Variants in ATP6V0D2 observed in about 807,000 individuals in gnomAD.
ATP6V0D2 encodes V-type proton ATPase subunit d 2.
Under a neutral mutation model 40.0 loss-of-function variants are expected in ATP6V0D2, and 40 were observed. The ratio of observed to expected loss-of-function variants is 1.00; its 90% CI spans 0.78 to 1.30. The LOEUF is 1.30. Among genes scored for constraint, ATP6V0D2 ranks in the 50% most tolerant of loss-of-function variants. ATP6V0D2 has a pLI of 0.00. For synonymous variants in ATP6V0D2, 179 were observed against 156.3 expected (o/e 1.15, Z -1.08); for missense variants, 470 against 423.1 (o/e 1.11, Z -0.97).
At chr8:86,113,994 G>A in intron 2 of ATP6V0D2, 114 bp downstream of exon 2, 1 of 1,016,276 alleles carries the variant, frequency 9.8e-7, no homozygotes, top group Non-Finnish European at 1.4e-6. Flanking sequence ...TCCATTGTTT[G>A]TAAGTTTAAA....
intron 5 of ATP6V0D2, among the ~76,000 whole-genome samples, chr8:86,145,236 AGAGAGAGAGAGAGAGAGAGAG>A (rs1186824399): frequency 1.3e-4 from 5 of 38,938 alleles, no homozygotes; most frequent in Non-Finnish European, 1.9e-4. Context: ...AGAAAGAAAG[AGAGAGAGAGAGAGAGAGAGAG>A]AAAGAAAGAA....
intron 1 of ATP6V0D2, among the ~76,000 whole-genome samples, chr8:86,104,458 TAA>T (rs1818442357): frequency 6.6e-6 from 1 of 152,126 alleles, no homozygotes; most frequent in Non-Finnish European, 1.5e-5. Flanking sequence ...CAAGATACAT[TAA>T]GTCAGAAAAG....
intron 2 of ATP6V0D2, among the ~76,000 whole-genome samples, chr8:86,136,312 C>A (rs1415917906): frequency 6.6e-6 from 1 of 152,170 alleles, no homozygotes; most frequent in Non-Finnish European, 1.5e-5. Flanking sequence ...CAGGCTGCAT[C>A]CTGCTCACAC....
chr8:86,151,524 T>C lies in ATP6V0D2; in HGVS notation c.875T>C (p.Val292Ala). The change falls in exon 7 of 8, where the codon GTG (valine) becomes GCG (alanine). Residue 292 changes from valine (V) to alanine (A), a missense_variant. Val to Ala is a moderately conservative substitution (Grantham distance 64). Transcript: ENST00000285393. ...GGSGGKTLEDVFYEREVQMNV... is the reference protein window; with the variant it reads ...GGSGGKTLEDAFYEREVQMNV... Reference sequence around the variant, plus strand: ...AGTGGGGGAAAGACATTGGAGGACGTGTTTTACGAGCGTGAGGTATGATAT... The same window carrying C: ...AGTGGGGGAAAGACATTGGAGGACGCGTTTTACGAGCGTGAGGTATGATAT... 6.2e-7 allele frequency: 1 copy of C among 1,608,758 alleles called. No individual in the cohort carries two copies. Among genetic ancestry groups the C allele is most frequent in the East Asian group, 2.2e-5 (1 of 44,498 alleles).
chr8:86,112,685 G>T (rs1294468190), intron 1 of ATP6V0D2, among the ~76,000 whole-genome samples: 1 of 152,038 alleles, frequency 6.6e-6, no homozygotes, highest in African/African-American at 2.4e-5. Flanking sequence ...CTAGAGTGGG[G>T]TTGGGTCAGC....
intron 2 of ATP6V0D2, among the ~76,000 whole-genome samples, chr8:86,121,153 A>G (rs984672230): frequency 1.3e-5 from 2 of 152,248 alleles, no homozygotes; most frequent in Non-Finnish European, 2.9e-5. Flanking sequence ...AGATAGCACC[A>G]AAGCCTAGGT....
At chr8:86,141,742 C>G (rs1818977351) in intron 4 of ATP6V0D2, among the ~76,000 whole-genome samples, 1 of 152,224 alleles carries the variant, frequency 6.6e-6, no homozygotes, top group African/African-American at 2.4e-5. Context: ...AAGGAAATAA[C>G]ATGCCCTATT....
At position 86,151,509 on chromosome 8, in the gene ATP6V0D2, AGAC is replaced by A; in HGVS notation, c.861_863del (p.Thr288del). 6.2e-7 allele frequency: 1 copy of A among 1,608,296 alleles called. No homozygotes were observed. The highest frequency in any genetic ancestry group is 8.5e-7 in the Non-Finnish European group (1 of 1,177,584). On this transcript the variant is annotated inframe_deletion, in exon 7 of 8. Transcript: ENST00000285393. Reference sequence around the variant, plus strand: ...GAAGCTGTAGGTGGCAGTGGGGGAAAGACATTGGAGGACGTGTTTTACGAGCGT... The same window carrying A: ...GAAGCTGTAGGTGGCAGTGGGGGAAAATTGGAGGACGTGTTTTACGAGCGT...
At chr8:86,119,949 A>G (rs1818647355) in intron 2 of ATP6V0D2, among the ~76,000 whole-genome samples, 1 of 152,246 alleles carries the variant, frequency 6.6e-6, no homozygotes, top group African/African-American at 2.4e-5. Context: ...ACACGGAGCT[A>G]GAAAAATATA....
At chr8:86,116,936 C>A (rs1037127540) in intron 2 of ATP6V0D2, among the ~76,000 whole-genome samples, 4 of 152,136 alleles carry the variant, frequency 2.6e-5, no homozygotes, top group Non-Finnish European at 4.4e-5. Context: ...AAAATAGTAT[C>A]TCTTTGCTTC....
chr8:86,145,759 G>A (rs1819061391), intron 5 of ATP6V0D2, among the ~76,000 whole-genome samples: 1 of 152,112 alleles, frequency 6.6e-6, no homozygotes, highest in South Asian at 2.1e-4. Flanking sequence ...AATTCTTGTG[G>A]TTTGGAAATG....
intron 5 of ATP6V0D2, among the ~76,000 whole-genome samples, chr8:86,145,241 G>A (rs200393059): frequency 0.014 from 557 of 39,600 alleles, 1 homozygote; most frequent in Admixed American, 0.021. Context: ...GAAAGAGAGA[G>A]AGAGAGAGAG....
At chr8:86,138,338 C>T (rs1017708543) in intron 2 of ATP6V0D2, among the ~76,000 whole-genome samples, 2 of 152,208 alleles carry the variant, frequency 1.3e-5, no homozygotes, top group Admixed American at 6.5e-5. Context: ...CCACACCACC[C>T]TATAATTTAT....
At chr8:86,133,924 T>C (rs1038366943) in intron 2 of ATP6V0D2, among the ~76,000 whole-genome samples, 8 of 151,666 alleles carry the variant, frequency 5.3e-5, no homozygotes, top group Admixed American at 1.3e-4. Context: ...TGGCTGAAAA[T>C]TCCCCCCATT....
intron 2 of ATP6V0D2, among the ~76,000 whole-genome samples, chr8:86,127,326 A>G (rs530755692): frequency 6.6e-6 from 1 of 152,356 alleles, no homozygotes; most frequent in East Asian, 1.9e-4. Context: ...GAAAATTCAT[A>G]CATTGAAAAA....
At chr8:86,112,493 G>T (rs1818538499) in intron 1 of ATP6V0D2, among the ~76,000 whole-genome samples, 1 of 152,066 alleles carries the variant, frequency 6.6e-6, no homozygotes. Context: ...CAAAGGCATA[G>T]AAATCATTTT....
At chr8:86,102,642 C>T (rs1283898719) in intron 1 of ATP6V0D2, among the ~76,000 whole-genome samples, 1 of 152,182 alleles carries the variant, frequency 6.6e-6, no homozygotes, top group Non-Finnish European at 1.5e-5. Flanking sequence ...TCCAGCAAAG[C>T]TTTGAAAAGT....
At chr8:86,145,215 GAAA>G (rs1351299242) in intron 5 of ATP6V0D2, among the ~76,000 whole-genome samples, 42 of 23,576 alleles carry the variant, frequency 1.8e-3, no homozygotes, top group African/African-American at 6.1e-3. Context: ...AAGAAAGAAA[GAAA>G]GAAAGAAAGA....
At chr8:86,144,484 A>AC (rs1212231712) in intron 5 of ATP6V0D2, among the ~76,000 whole-genome samples, 1 of 151,616 alleles carries the variant, frequency 6.6e-6, no homozygotes, top group Non-Finnish European at 1.5e-5. Context: ...AAAAGAAAAA[A>AC]ATTAACTTCA....
Sources: gnomAD v4.1 joint callset for allele counts (sites outside exome capture counted in the v4.1 genomes callset) on GRCh38, gnomAD v4.1.1 for gene constraint, MANE v1.5 for transcripts, NCBI Gene and HGNC (gene_info 2026-07-23, HGNC 2026-07-21) for gene names.